The following PEX5L variants were observed in gnomAD, a reference collection of about 807,000 sequenced individuals.
PEX5L encodes peroxisomal biogenesis factor 5 like, also known as PEX5-related protein.
In PEX5L, 30 loss-of-function variants were observed where a neutral mutation model predicts 84.0. The observed-to-expected ratio is 0.36, with a 90% confidence interval of 0.27 to 0.48. PEX5L has a LOEUF of 0.48. Among genes scored for constraint, PEX5L ranks in the 20% least tolerant of loss-of-function variants. The probability of loss-of-function intolerance (pLI) is 0.99; values close to 1 mark genes in which losing one functional copy is unlikely to be tolerated. For synonymous variants in PEX5L, 270 were observed against 283.1 expected, an observed-to-expected ratio of 0.95 and a Z score of 0.46; for missense variants, 533 against 754.6, an observed-to-expected ratio of 0.71 and a Z score of 3.44.
At position 179,802,042 on chromosome 3, in the gene PEX5L, T is replaced by C; in HGVS notation, c.1677-10A>G. The C allele has an allele frequency of 6.3e-7, 1 of 1,582,830 alleles. No individual in the cohort carries two copies. Among genetic ancestry groups the C allele is most frequent in the Non-Finnish European group, 8.7e-7 (1 of 1,152,194 alleles). ...ATTGCTGACCGCTTCTCTAAGAAGG[T>C]AGAAAAACATATTTTAAAATGAGTC... On this transcript the variant is annotated splice_polypyrimidine_tract_variant and intron_variant, in intron 14 of 14. Transcript: ENST00000467460.
chr3:179,992,476 T>A (rs1787471050), intron 1 of PEX5L, among the ~76,000 whole-genome samples: 1 of 152,234 alleles, frequency 6.6e-6, no homozygotes, highest in South Asian at 2.1e-4. Flanking sequence ...GTTAGCATAA[T>A]TATGATGCAT....
chr3:179,846,760 T>A (rs1460761817), intron 8 of PEX5L, among the ~76,000 whole-genome samples: 1 of 152,164 alleles, frequency 6.6e-6, no homozygotes, highest in Non-Finnish European at 1.5e-5. Flanking sequence ...ATTGGTCTTC[T>A]CCTGCCCTCA....
chr3:179,997,519 A>G (rs1788002507), intron 1 of PEX5L, among the ~76,000 whole-genome samples: 1 of 152,212 alleles, frequency 6.6e-6, no homozygotes, highest in African/African-American at 2.4e-5. Flanking sequence ...GCCTCTACCT[A>G]GAAAAATAGC....
rs192476164 is a variant in PEX5L, at chr3:179,954,176, A to T, written c.93+17418T>A. Among the ~76,000 whole-genome samples the T allele has an allele frequency of 4.4e-5, 6 of 136,878 alleles. No homozygotes were observed. The Admixed American group carries it at 4.5e-4, about 10-fold the overall frequency. The allele number at this position is 136,878 out of a possible 152,430, so 89.8% of individuals were successfully genotyped here. Reference sequence around the variant, plus strand: ...ATACATTTACTATTTAAGTTCCACAAGAACAAGCCCAGAAATTAACCATTA... The same window carrying T: ...ATACATTTACTATTTAAGTTCCACATGAACAAGCCCAGAAATTAACCATTA... On this transcript the variant is annotated intron_variant, in intron 2 of 14. Coordinates refer to ENST00000467460, the MANE Select transcript of PEX5L (RefSeq NM_016559.3).
At position 180,036,636 on chromosome 3, in the gene PEX5L, G is replaced by A; in HGVS notation, c.-37C>T. On this transcript the variant is annotated 5_prime_UTR_variant, in exon 1 of 15. Coordinates refer to ENST00000467460, the MANE Select transcript of PEX5L (RefSeq NM_016559.3). ...TTCTTCAGGGCTCCCTGAGGCCACC[G>A]GATGCTTTTCCCCCGTGCTTACTTG... 1 of 1,613,256 alleles carries A rather than the reference G, an allele frequency of 6.2e-7. No individual in the cohort carries two copies. The highest frequency in any genetic ancestry group is 8.5e-7 in the Non-Finnish European group (1 of 1,179,212).
In PEX5L at chr3:179,800,718, G is replaced by T. The variant is rs1262312840; in HGVS notation, c.*1110C>A. On this transcript the variant is annotated 3_prime_UTR_variant, in exon 15 of 15. Coordinates refer to ENST00000467460, the MANE Select transcript of PEX5L (RefSeq NM_016559.3). ...CTTAGAATGCAAGGGGATGAACAGTGCAGATTATTATGAAACTAAGAAAAC... is the reference window on the plus strand; with the variant it reads ...CTTAGAATGCAAGGGGATGAACAGTTCAGATTATTATGAAACTAAGAAAAC... 1 of 152,144 alleles carries T rather than the reference G, an allele frequency of 6.6e-6. No individual in the cohort carries two copies. The highest frequency in any genetic ancestry group is 2.4e-5 in the African/African-American group (1 of 41,420). The allele number at this position is 152,144 out of a possible 1,614,324, so 9.4% of individuals were successfully genotyped here.
intron 2 of PEX5L, among the ~76,000 whole-genome samples, chr3:179,961,488 T>C (rs1560937770): frequency 6.6e-6 from 1 of 151,960 alleles, no homozygotes; most frequent in Non-Finnish European, 1.5e-5. Flanking sequence ...AGAAAAGACA[T>C]GCACTGTAAA....
At chr3:179,997,870 G>C (rs964616539) in intron 1 of PEX5L, among the ~76,000 whole-genome samples, 10 of 152,222 alleles carry the variant, frequency 6.6e-5, no homozygotes, top group African/African-American at 2.4e-4. Context: ...CAGCTGGCAA[G>C]ACAAGCAATA....
At chr3:180,024,685 T>C (rs753789360) in intron 1 of PEX5L, among the ~76,000 whole-genome samples, 2 of 151,658 alleles carry the variant, frequency 1.3e-5, no homozygotes, top group Non-Finnish European at 2.9e-5. Flanking sequence ...TGCATGTGTG[T>C]GTGTGAGAGA....
chr3:180,007,484 G>T (rs112693559), intron 1 of PEX5L, among the ~76,000 whole-genome samples: 2 of 152,182 alleles, frequency 1.3e-5, no homozygotes, highest in African/African-American at 4.8e-5. Flanking sequence ...TCCTCTTCTC[G>T]CAGCTCGATT....
chr3:179,941,276 G>T (rs1776014725), intron 2 of PEX5L, among the ~76,000 whole-genome samples: 1 of 152,148 alleles, frequency 6.6e-6, no homozygotes, highest in Admixed American at 6.5e-5. Context: ...TCACATTGTT[G>T]TGTGATCATC....
At chr3:179,994,351 T>C (rs151060289) in intron 1 of PEX5L, among the ~76,000 whole-genome samples, 5 of 152,376 alleles carry the variant, frequency 3.3e-5, no homozygotes, top group Non-Finnish European at 7.3e-5. Context: ...CAGCTTCTAG[T>C]GTGTGATGTC....
intron 2 of PEX5L, among the ~76,000 whole-genome samples, chr3:179,953,298 C>T (rs926518712): frequency 2.6e-5 from 4 of 152,152 alleles, no homozygotes; most frequent in African/African-American, 9.7e-5. Context: ...AAGAAACTAT[C>T]ATCAGAGTGA....
intron 2 of PEX5L, among the ~76,000 whole-genome samples, chr3:179,924,283 C>G (rs959453155): frequency 1.3e-5 from 2 of 152,162 alleles, no homozygotes; most frequent in Non-Finnish European, 2.9e-5. Context: ...CTGCCACGTA[C>G]TGTAGTTATT....
At chr3:179,989,817 C>T (rs1047822186) in intron 1 of PEX5L, among the ~76,000 whole-genome samples, 6 of 152,176 alleles carry the variant, frequency 3.9e-5, no homozygotes, top group Admixed American at 6.5e-5. Flanking sequence ...GTTTCCACAG[C>T]ATATATCAAT....
intron 1 of PEX5L, among the ~76,000 whole-genome samples, chr3:180,008,714 C>G (rs1006448346): frequency 2.6e-5 from 4 of 152,102 alleles, no homozygotes; most frequent in African/African-American, 9.7e-5. Context: ...AAAGCAGAAA[C>G]CCCTGATAAA....
At chr3:179,814,206 T>C (rs1725162884) in intron 10 of PEX5L, among the ~76,000 whole-genome samples, 2 of 152,194 alleles carry the variant, frequency 1.3e-5, no homozygotes, top group African/African-American at 4.8e-5. Flanking sequence ...GAACAAGATA[T>C]TACAAGATTT....
At chr3:179,988,540 C>G (rs1787087303) in intron 1 of PEX5L, among the ~76,000 whole-genome samples, 1 of 152,152 alleles carries the variant, frequency 6.6e-6, no homozygotes, top group South Asian at 2.1e-4. Context: ...CTGTTATGTA[C>G]ACTTCCCCCA....
At position 179,979,386 on chromosome 3, in the gene PEX5L, T is replaced by C. The variant is rs192796745; in HGVS notation, c.22-7721A>G. Among the ~76,000 whole-genome samples the C allele has an allele frequency of 1.6e-3, 240 of 152,288 alleles. 2 individuals are homozygous for C. The highest frequency in any genetic ancestry group is 6.8e-3 in the Middle Eastern group (2 of 294). The stretch of plus-strand genomic sequence containing the variant: ...TGTAATCATAGGATGCAGTGACCAA[T>C]ATGTAAAAAATTGTTTTCTGTGGGC... On this transcript the variant is annotated intron_variant, in intron 1 of 14. Transcript: ENST00000467460.
Sources: gnomAD v4.1 joint callset for allele counts (sites outside exome capture counted in the v4.1 genomes callset) on GRCh38, gnomAD v4.1.1 for gene constraint, MANE v1.5 for transcripts, NCBI Gene and HGNC (gene_info 2026-07-23, HGNC 2026-07-21) for gene names.